RAB37: variants seen among roughly 807,000 people sequenced by gnomAD.
RAB37 encodes ras-related protein Rab-37.
A neutral mutation model predicts 33.1 loss-of-function variants in RAB37; 29 were observed. The observed-to-expected ratio is 0.88, with a 90% CI of 0.65 to 1.20. RAB37 has a LOEUF of 1.20. RAB37 is among the 50% of genes most tolerant of loss of function. The pLI is 0.00. For synonymous variants in RAB37, 128 were observed against 119.5 expected, an observed-to-expected ratio of 1.07 and a Z score of -0.47; for missense variants, 299 against 301.1, an observed-to-expected ratio of 0.99 and a Z score of 0.05.
At chr17:74,690,542 C>T (rs570869705) in intron 1 of RAB37, among the ~76,000 whole-genome samples, 23 of 152,174 alleles carry the variant, frequency 1.5e-4, no homozygotes, top group Non-Finnish European at 3.1e-4. Context: ...GGGGATACGG[C>T]TGAGATGACA....
chr17:74,738,178 T>C lies in RAB37; in HGVS notation c.93+813T>C, dbSNP rs75801695. Among the ~76,000 whole-genome samples the C allele has an allele frequency of 0.024, 3,716 of 152,258 alleles. 150 individuals are homozygous for C. The highest frequency in any genetic ancestry group is 0.16 in the East Asian group (850 of 5,174). On this transcript the variant is annotated intron_variant, in intron 1 of 8. Coordinates refer to ENST00000392613, the MANE Select transcript of RAB37 (RefSeq NM_001006638.3). The surrounding 1 kb of genome is among the most constrained non-coding windows in gnomAD (Gnocchi z 5.0). ...GAGCCTAGAGCTTCCACTCTTCCTC[T>C]GCAGGGTTGGGGATGGAGTGAGGGC...
In RAB37 at chr17:74,674,625, C is replaced by T. The variant is rs918735325; in HGVS notation, c.72+2967C>T. On this transcript the variant is annotated intron_variant, in intron 1 of 7. Coordinates refer to the RAB37 transcript ENST00000340415. Reference sequence around the variant, plus strand: ...CCGAGGAGGTGGAGACTGCAGTGAGCCAAGATCACACCACTGCACTCCAGC... The same window carrying T: ...CCGAGGAGGTGGAGACTGCAGTGAGTCAAGATCACACCACTGCACTCCAGC... 2.0e-5 allele frequency among the ~76,000 whole-genome samples: 3 copies of T among 152,032 alleles called. No homozygotes were observed. The East Asian group carries it at 5.8e-4, about 29-fold the overall frequency.
In RAB37 at chr17:74,687,262, C is replaced by T. The variant is rs958646916; in HGVS notation, c.72+15604C>T. Among the ~76,000 whole-genome samples, 4 of 151,758 alleles carry T rather than the reference C, an allele frequency of 2.6e-5. No homozygotes were observed. In the East Asian group the frequency reaches 5.8e-4, roughly 22 times the overall value. ...TATTTGAGATGGAGTCTTGCTCTAT[C>T]TCCCAGGCTGGAGTGCAATGGCACG... On this transcript the variant is annotated intron_variant, in intron 1 of 7. Transcript: ENST00000340415.
chr17:74,705,605 A>T (rs942651980), intron 1 of RAB37, among the ~76,000 whole-genome samples: 3 of 151,954 alleles, frequency 2.0e-5, no homozygotes, highest in Non-Finnish European at 4.4e-5. Flanking sequence ...TTCTTTTGAA[A>T]CAGGCTCTCA....
upstream of RAB37, chr17:74,736,826 G>A (rs1598320199): frequency 1.3e-6 from 2 of 1,533,326 alleles, no homozygotes; most frequent in Non-Finnish European, 1.7e-6. Context: ...CGGCGGAGGC[G>A]CAGCCCAGGG....
At chr17:74,699,747 C>T (rs1181885153) in intron 1 of RAB37, among the ~76,000 whole-genome samples, 2 of 152,236 alleles carry the variant, frequency 1.3e-5, no homozygotes, top group East Asian at 3.9e-4. Flanking sequence ...CTCGTAACGG[C>T]GGCCACAGGA....
rs1567792664 is a variant in RAB37 at position 74,704,554 on chromosome 17, A to C, written c.73-24702A>C. On this transcript the variant is annotated intron_variant, in intron 1 of 7. Transcript: ENST00000340415. ...CAATTCCACACCAGTAAGTGTCAGC[A>C]TCAGTTTTCATGAGATCCTCCATGG... 14 of 1,614,084 alleles carry C rather than the reference A, an allele frequency of 8.7e-6. No individual in the cohort carries two copies. Among genetic ancestry groups the C allele is most frequent in the Non-Finnish European group, 1.0e-5 (12 of 1,180,052 alleles).
chr17:74,716,106 C>T (rs1174986173), intron 1 of RAB37, among the ~76,000 whole-genome samples: 1 of 152,192 alleles, frequency 6.6e-6, no homozygotes, highest in African/African-American at 2.4e-5. Flanking sequence ...ATGGGGAATA[C>T]AGGGGAATCG....
At chr17:74,680,690 A>G (rs139752036) in intron 1 of RAB37, among the ~76,000 whole-genome samples, 6 of 151,734 alleles carry the variant, frequency 4.0e-5, no homozygotes, top group East Asian at 1.9e-4. Context: ...CAGTCATTCT[A>G]TTCTCTCCAG....
At chr17:74,709,778 GC>G (rs571828709) in intron 1 of RAB37, among the ~76,000 whole-genome samples, 2 of 151,572 alleles carry the variant, frequency 1.3e-5, no homozygotes, top group Non-Finnish European at 2.9e-5. Flanking sequence ...TCACTTTGTT[GC>G]CCAAGCTGGT....
At chr17:74,672,261 A>G (rs2031722723) in intron 1 of RAB37, among the ~76,000 whole-genome samples, 1 of 148,022 alleles carries the variant, frequency 6.8e-6, no homozygotes, top group Non-Finnish European at 1.5e-5. Context: ...CCCCTAAGAT[A>G]GTTGTTGGGA....
chr17:74,719,824 T>C (rs1394141458), intron 1 of RAB37, among the ~76,000 whole-genome samples: 3 of 152,136 alleles, frequency 2.0e-5, no homozygotes, highest in African/African-American at 7.2e-5. Flanking sequence ...GCCAAGCAAA[T>C]TATTTAAATA....
intron 1 of RAB37, chr17:74,695,305 G>A (rs914269465): frequency 2.1e-5 from 33 of 1,602,948 alleles, no homozygotes; most frequent in Admixed American, 1.9e-4. Flanking sequence ...TGACGGTCAC[G>A]GGGCAGAGGA....
upstream of RAB37, among the ~76,000 whole-genome samples, chr17:74,735,781 A>G (rs1218128530): frequency 1.3e-5 from 2 of 152,186 alleles, no homozygotes; most frequent in Non-Finnish European, 2.9e-5. Context: ...CGCTTCTCCC[A>G]GCTGACAGAA....
At chr17:74,700,960 G>T (rs559272536) in intron 1 of RAB37, among the ~76,000 whole-genome samples, 1 of 152,138 alleles carries the variant, frequency 6.6e-6, no homozygotes, top group South Asian at 2.1e-4. Context: ...CATTAGAAGA[G>T]ATCAGGACAC....
chr17:74,729,257 C>A lies in RAB37; in HGVS notation c.74C>A (p.Thr25Asn). 6.2e-7 allele frequency: 1 copy of A among 1,612,726 alleles called. No individual in the cohort carries two copies. Among genetic ancestry groups the A allele is most frequent in the Non-Finnish European group, 8.5e-7 (1 of 1,178,736 alleles). ...TCTCTCTCTATTGTTCCCTTCCAGA[C>A]CATCCTGGTGGGTGACAGTGGTGTG... The change falls in exon 2 of 8, where the codon ACC becomes AAC. Residue 25 changes from threonine (T) to asparagine (N), a missense_variant and splice_region_variant. Coordinates refer to the RAB37 transcript ENST00000340415. The surrounding 1 kb of genome is among the most constrained non-coding windows in gnomAD (Gnocchi z 4.2).
intron 1 of RAB37, among the ~76,000 whole-genome samples, chr17:74,728,810 T>C (rs1371828955): frequency 1.3e-5 from 2 of 152,094 alleles, no homozygotes; most frequent in Non-Finnish European, 2.9e-5. Flanking sequence ...CATACATGTG[T>C]ACATGTGTTT....
intron 1 of RAB37, among the ~76,000 whole-genome samples, chr17:74,723,892 C>G (rs567782497): frequency 6.6e-6 from 1 of 151,884 alleles, no homozygotes; most frequent in Non-Finnish European, 1.5e-5. Context: ...TTCATAAATG[C>G]GAAGAGAAAC....
At chr17:74,736,646 G>C, upstream of RAB37, 4 of 1,535,446 alleles carry the variant, frequency 2.6e-6, no homozygotes, top group South Asian at 4.8e-5. Flanking sequence ...CAGGCCGGGG[G>C]AAATGAGAGG....
Sources: allele counts gnomAD v4.1 joint callset (sites outside exome capture counted in the v4.1 genomes callset), GRCh38; gene constraint gnomAD v4.1.1; non-coding constraint Gnocchi (gnomAD v3.1); transcripts MANE v1.5; gene names NCBI Gene and HGNC (gene_info 2026-07-23, HGNC 2026-07-21).